The following SNTG2 variants were observed in gnomAD, a reference collection of about 807,000 sequenced individuals.
SNTG2 encodes the protein syntrophin gamma 2.
Under a neutral mutation model 70.9 loss-of-function variants are expected in SNTG2, and 74 were observed. The observed-to-expected ratio is 1.04, with a 90% CI of 0.86 to 1.27. The LOEUF (loss-of-function observed/expected upper bound fraction) is 1.27, where lower values mean the gene tolerates loss of function less well. SNTG2 is among the 50% of genes most tolerant of loss of function. The pLI is 0.00. For missense variants in SNTG2, 717 were observed against 690.7 expected (o/e 1.04, Z -0.43); for synonymous variants, 278 against 273.8 (o/e 1.02, Z -0.15).
At chr2:1,269,479 C>G (rs74203944) in intron 14 of SNTG2, among the ~76,000 whole-genome samples, 46,402 of 151,832 alleles carry the variant, frequency 0.31, 7,990 homozygotes, top group African/African-American at 0.47. Context: ...TATGATGGCA[C>G]CACTGCACTC....
At position 1,308,073 on chromosome 2, in the gene SNTG2, C is replaced by T. The variant is rs182611463; in HGVS notation, c.1285-421C>T. ...AATTTTCTCAGGAAAGTGCCGCTTC[C>T]AGCTTCTGCCGGAACATGCTTGTGG... is the stretch of plus-strand genomic sequence containing the variant. On this transcript the variant is annotated intron_variant, in intron 14 of 16. Transcript: ENST00000308624. Among the ~76,000 whole-genome samples, 284 of 152,340 alleles carry T rather than the reference C, an allele frequency of 1.9e-3. 1 individual carries two copies. Among genetic ancestry groups the T allele is most frequent in the African/African-American group, 6.4e-3 (268 of 41,584 alleles).
chr2:1,350,918 A>G (rs1338849344), intron 16 of SNTG2, among the ~76,000 whole-genome samples: 1 of 152,072 alleles, frequency 6.6e-6, no homozygotes, highest in East Asian at 1.9e-4. Flanking sequence ...TATTTGTAAG[A>G]CAAAATTATC....
At chr2:1,238,049 A>T (rs761928334) in intron 10 of SNTG2, 32 bp downstream of exon 10, 13 of 1,586,400 alleles carry the variant, frequency 8.2e-6, no homozygotes, top group Middle Eastern at 1.7e-4. Context: ...GTCTCTGCTG[A>T]TGCTCATTCG....
rs1290351826 is a variant in SNTG2, at chr2:1,237,893, A to G, written c.725A>G (p.Asn242Ser). ...ACAGCTCTCTCCCTCCCCAGGTGGA[A>G]TGCGTTCGAGGTGCTCGCCCTGGAC... ...YKAGTEKLRWNAFEVLALDGV... is the reference protein window; with the variant it reads ...YKAGTEKLRWSAFEVLALDGV... The change falls in exon 10 of 17, where the codon AAT becomes AGT. Residue 242 changes from asparagine to serine, a missense_variant. By Grantham distance (46) the Asn-to-Ser change is conservative. Coordinates refer to ENST00000308624, the MANE Select transcript of SNTG2 (RefSeq NM_018968.4). 2 of 1,600,944 alleles carry G rather than the reference A, an allele frequency of 1.2e-6. No homozygotes were observed. Among genetic ancestry groups the G allele is most frequent in the Non-Finnish European group, 1.7e-6 (2 of 1,174,362 alleles).
At chr2:1,165,684 T>A in intron 7 of SNTG2, 49 bp downstream of exon 7, 1 of 1,469,992 alleles carries the variant, frequency 6.8e-7, no homozygotes, top group Non-Finnish European at 9.4e-7. Flanking sequence ...ATTCCTTTCT[T>A]GCCACATTAT....
chr2:1,166,945 T>C (rs1483263669), intron 7 of SNTG2, among the ~76,000 whole-genome samples: 1 of 152,126 alleles, frequency 6.6e-6, no homozygotes, highest in Non-Finnish European at 1.5e-5. Context: ...ACCTTGCCAC[T>C]CCATGCCCCT....
At chr2:1,366,396 T>C (rs1661485655) in intron 16 of SNTG2, among the ~76,000 whole-genome samples, 1 of 152,180 alleles carries the variant, frequency 6.6e-6, no homozygotes, top group South Asian at 2.1e-4. Flanking sequence ...AGCTTTGGGG[T>C]TCACTGTGGA....
At chr2:973,173 GT>G (rs1446757029) in intron 1 of SNTG2, among the ~76,000 whole-genome samples, 1 of 151,972 alleles carries the variant, frequency 6.6e-6, no homozygotes, top group Non-Finnish European at 1.5e-5. Context: ...TATTTAATCC[GT>G]ATTTCTGTCT....
chr2:1,262,986 A>G (rs1005724082), intron 13 of SNTG2: 2 of 152,266 alleles, frequency 1.3e-5, no homozygotes, highest in African/African-American at 4.8e-5. Flanking sequence ...TACAGGAACT[A>G]TCTGGGGAAA....
At chr2:1,179,329 C>T (rs933046305) in intron 8 of SNTG2, among the ~76,000 whole-genome samples, 12 of 151,990 alleles carry the variant, frequency 7.9e-5, no homozygotes, top group Non-Finnish European at 1.6e-4. Context: ...TTTTAGTTAG[C>T]CCAAAATCTC....
chr2:1,296,938 T>G (rs924825182), intron 14 of SNTG2, among the ~76,000 whole-genome samples: 2 of 152,116 alleles, frequency 1.3e-5, no homozygotes, highest in African/African-American at 4.8e-5. Context: ...ACACAGAAAA[T>G]TATTTGACAC....
chr2:1,081,267 G>C (rs1432327627), intron 1 of SNTG2, among the ~76,000 whole-genome samples: 1 of 152,190 alleles, frequency 6.6e-6, no homozygotes, highest in African/African-American at 2.4e-5. Flanking sequence ...AGGCGCCCGT[G>C]TGTGAGAGTA....
intron 1 of SNTG2, among the ~76,000 whole-genome samples, chr2:994,694 G>C (rs982958917): frequency 2.2e-4 from 34 of 151,822 alleles, no homozygotes; most frequent in Non-Finnish European, 4.4e-4. Context: ...AACATGGACT[G>C]TCTTTCTATT....
chr2:1,237,356 C>G (rs938113198), intron 9 of SNTG2, among the ~76,000 whole-genome samples: 1 of 152,134 alleles, frequency 6.6e-6, no homozygotes, highest in Admixed American at 6.5e-5. Context: ...CAGGGAAGAA[C>G]TACTGAATTT....
At chr2:1,159,151 GGGT>G (rs1670105714) in intron 6 of SNTG2, among the ~76,000 whole-genome samples, 2 of 151,388 alleles carry the variant, frequency 1.3e-5, no homozygotes, top group African/African-American at 2.4e-5. Context: ...TATGTGGGGG[GGGT>G]GTGTGAGTGC....
At chr2:1,120,236 CAA>C (rs1416088930) in intron 4 of SNTG2, among the ~76,000 whole-genome samples, 5 of 151,908 alleles carry the variant, frequency 3.3e-5, no homozygotes, top group East Asian at 3.9e-4. Flanking sequence ...TACAAAACAA[CAA>C]GAGAAGAAAA....
chr2:1,227,515 C>T (rs1407999858), intron 9 of SNTG2, among the ~76,000 whole-genome samples: 12 of 152,230 alleles, frequency 7.9e-5, no homozygotes, highest in Non-Finnish European at 1.6e-4. Flanking sequence ...AGAGTCACGG[C>T]AGACAGCCTT....
At chr2:1,149,592 T>C (rs368770489) in intron 6 of SNTG2, among the ~76,000 whole-genome samples, 22 of 152,012 alleles carry the variant, frequency 1.4e-4, no homozygotes, top group African/African-American at 5.3e-4. Flanking sequence ...TTTGGAAAAA[T>C]CTATCCACCA....
intron 8 of SNTG2, among the ~76,000 whole-genome samples, chr2:1,208,368 G>T: frequency 6.6e-6 from 1 of 150,838 alleles, no homozygotes; most frequent in East Asian, 2.0e-4. Context: ...GGTCGCTGGG[G>T]CGGCAGCACC....
Sources: allele counts gnomAD v4.1 joint callset (sites outside exome capture counted in the v4.1 genomes callset), GRCh38; gene constraint gnomAD v4.1.1; transcripts MANE v1.5; gene names NCBI Gene and HGNC (gene_info 2026-07-23, HGNC 2026-07-21).